The following NPAS2 variants were observed in gnomAD, a reference collection of about 807,000 sequenced individuals.
The protein encoded by NPAS2 is neuronal PAS domain protein 2, also known as neuronal PAS domain-containing protein 2.
A neutral mutation model predicts 107.5 loss-of-function variants in NPAS2; 23 were observed. That is an observed-to-expected ratio of 0.21 (90% CI 0.15 to 0.30). The LOEUF is 0.30. Among genes scored for constraint, NPAS2 ranks in the 10% least tolerant of loss-of-function variants. NPAS2 has a pLI of 1.00. For synonymous variants in NPAS2, 403 were observed against 417.5 expected, an observed-to-expected ratio of 0.97 and a Z score of 0.42; for missense variants, 756 against 1,043.3, an observed-to-expected ratio of 0.72 and a Z score of 3.79.
At chr2:100,959,387 T>C (rs867297946) in intron 7 of NPAS2, among the ~76,000 whole-genome samples, 3 of 152,084 alleles carry the variant, frequency 2.0e-5, no homozygotes, top group African/African-American at 7.2e-5. Flanking sequence ...AAGGAAAGGA[T>C]CAAATATGCC....
chr2:100,948,148 C>A (rs878917711), intron 5 of NPAS2, 87 bp from the exon 6 acceptor site: 2 of 1,442,318 alleles, frequency 1.4e-6, no homozygotes, highest in Non-Finnish European at 1.9e-6. Flanking sequence ...ACCAGTTCTG[C>A]GTTGTTGTGA....
chr2:100,841,706 CACATAT>C (rs1677412071), intron 1 of NPAS2, among the ~76,000 whole-genome samples: 1 of 152,092 alleles, frequency 6.6e-6, no homozygotes, highest in Non-Finnish European at 1.5e-5. Context: ...TTTACACATA[CACATAT>C]ACAAACATGC....
At chr2:100,882,139 G>A (rs1680389570) in intron 1 of NPAS2, among the ~76,000 whole-genome samples, 1 of 152,192 alleles carries the variant, frequency 6.6e-6, no homozygotes, top group Non-Finnish European at 1.5e-5. Context: ...GTCACCAAGA[G>A]GTTCAAGTTC....
In NPAS2 at chr2:100,996,020, GAGAGAATAAAGAGATTATTTTTC is replaced by G; in HGVS notation, c.*440_*462del. 1 of 1,138,292 alleles carries G rather than the reference GAGAGAATAAAGAGATTATTTTTC, an allele frequency of 8.8e-7. No homozygotes were observed. The highest frequency in any genetic ancestry group is 5.5e-5 in the East Asian group (1 of 18,072). The allele number at this position is 1,138,292 out of a possible 1,614,324, so 70.5% of individuals were successfully genotyped here. The stretch of plus-strand genomic sequence containing the variant: ...GACTGGGTCAGAGATCTGTTGGAGA[GAGAGAATAAAGAGATTATTTTTC>G]ATTATTTTTAAATGGTTGTTTTTGT... On this transcript the variant is annotated 3_prime_UTR_variant, in exon 21 of 21. Coordinates refer to ENST00000335681, the MANE Select transcript of NPAS2 (RefSeq NM_002518.4).
chr2:100,897,109 A>G (rs964126842), intron 1 of NPAS2, among the ~76,000 whole-genome samples: 2 of 151,982 alleles, frequency 1.3e-5, no homozygotes, highest in African/African-American at 2.4e-5. Context: ...TTATAAAACC[A>G]TCAGATCTCA....
chr2:100,960,466 A>G (rs1020903610), intron 7 of NPAS2, among the ~76,000 whole-genome samples: 1 of 151,730 alleles, frequency 6.6e-6, no homozygotes, highest in African/African-American at 2.4e-5. Flanking sequence ...CTCTGTCTCA[A>G]AAAGCAAGCT....
At chr2:100,881,368 C>A (rs1573534699) in intron 1 of NPAS2, among the ~76,000 whole-genome samples, 2 of 152,186 alleles carry the variant, frequency 1.3e-5, no homozygotes, top group South Asian at 4.1e-4. Flanking sequence ...TCCCAGGGGA[C>A]CTGTGTGCCC....
At chr2:100,832,047 G>A (rs546926570) in intron 1 of NPAS2, among the ~76,000 whole-genome samples, 1 of 152,230 alleles carries the variant, frequency 6.6e-6, no homozygotes, top group South Asian at 2.1e-4. Flanking sequence ...CCAGCTGCTG[G>A]CATCATTGCT....
intron 4 of NPAS2, 66 bp from the exon 5 acceptor site, chr2:100,937,687 G>A: frequency 9.1e-7 from 1 of 1,096,392 alleles, no homozygotes; most frequent in Non-Finnish European, 1.4e-6. Context: ...AGTGTCCTCT[G>A]CATCAGTGAC....
chr2:100,885,988 T>A (rs1167119041), intron 1 of NPAS2, among the ~76,000 whole-genome samples: 1 of 152,254 alleles, frequency 6.6e-6, no homozygotes, highest in African/African-American at 2.4e-5. Context: ...AGCATTTCAC[T>A]TTCAATTTTG....
intron 1 of NPAS2, among the ~76,000 whole-genome samples, chr2:100,887,110 T>C (rs1680745320): frequency 6.6e-6 from 1 of 152,186 alleles, no homozygotes; most frequent in African/African-American, 2.4e-5. Context: ...TGTCCTCTTA[T>C]GAGCCCTAGG....
intron 1 of NPAS2, among the ~76,000 whole-genome samples, chr2:100,881,814 G>T (rs1302617736): frequency 6.6e-6 from 1 of 152,222 alleles, no homozygotes; most frequent in Non-Finnish European, 1.5e-5. Flanking sequence ...CAGGCGCAGA[G>T]GGCTTCACTC....
rs1410989568 is a variant in NPAS2 at position 100,990,358 on chromosome 2, A to T, written c.1930A>T (p.Ser644Cys). 4 of 1,614,094 alleles carry T rather than the reference A, an allele frequency of 2.5e-6. No homozygotes were observed. Among genetic ancestry groups the T allele is most frequent in the African/African-American group, 1.3e-5 (1 of 74,940 alleles). Residue 644 changes from serine (S) to cysteine (C), a missense_variant, in exon 18 of 21, where the codon AGT becomes TGT. Ser to Cys is a moderately radical substitution (Grantham distance 112, BLOSUM62 -1). Transcript: ENST00000335681. Reference protein sequence around the residue: ...FSSATAALPPSLNLTTPASTS... With the variant: ...FSSATAALPPCLNLTTPASTS... Reference sequence around the variant, plus strand: ...CAGCGCCACAGCTGCGCTCCCGCCAAGTCTGAATCTGACCACACCTGCTTC... The same window carrying T: ...CAGCGCCACAGCTGCGCTCCCGCCATGTCTGAATCTGACCACACCTGCTTC...
chr2:100,975,673 G>A, intron 14 of NPAS2, 106 bp downstream of exon 14: 1 of 775,006 alleles, frequency 1.3e-6, no homozygotes, highest in South Asian at 2.2e-5. Flanking sequence ...GTTTTACTTA[G>A]GGATTGAGAG....
intron 1 of NPAS2, among the ~76,000 whole-genome samples, chr2:100,840,255 T>C (rs1489634859): frequency 6.6e-6 from 1 of 152,158 alleles, no homozygotes. Flanking sequence ...TACATGGCAG[T>C]ATCTAAATTT....
intron 7 of NPAS2, among the ~76,000 whole-genome samples, chr2:100,960,629 C>T (rs1348056586): frequency 1.3e-5 from 2 of 152,080 alleles, no homozygotes; most frequent in Non-Finnish European, 2.9e-5. Flanking sequence ...GGGCAGTGAG[C>T]TCACCTGCCT....
rs531817089 is a variant in NPAS2 at position 100,948,053 on chromosome 2, G to C, written c.364-182G>C. 5.3e-5 allele frequency among the ~76,000 whole-genome samples: 8 copies of C among 152,334 alleles called. No homozygotes were observed. In the East Asian group the frequency reaches 1.5e-3, roughly 29 times the overall value. On this transcript the variant is annotated intron_variant, in intron 5 of 20. Transcript: ENST00000335681. ...GCACATATGCATTTGAACAAATACA[G>C]CCCTTTAGGTTACTATTTAAAACAA...
In NPAS2 at chr2:100,944,295, C is replaced by T. The variant is rs192347031; in HGVS notation, c.364-3940C>T. ...CAAAACTGCCAGAGCGCCTCAGGGACACTCTGGGAGGAAGTGTCCATCCAG... is the reference window on the plus strand; with the variant it reads ...CAAAACTGCCAGAGCGCCTCAGGGATACTCTGGGAGGAAGTGTCCATCCAG... On this transcript the variant is annotated intron_variant, in intron 5 of 20. Transcript: ENST00000335681. Among the ~76,000 whole-genome samples the T allele has an allele frequency of 2.6e-4, 40 of 152,320 alleles. No homozygotes were observed. In the East Asian group the frequency reaches 6.8e-3, roughly 26 times the overall value.
At position 100,928,095 on chromosome 2, in the gene NPAS2, A is replaced by G. The variant is rs145447741; in HGVS notation, c.181+2801A>G. On this transcript the variant is annotated intron_variant, in intron 3 of 20. Coordinates refer to ENST00000335681, the MANE Select transcript of NPAS2 (RefSeq NM_002518.4). ...TCATTATACTTCTTAGTCTTTTATT[A>G]TTTCTTTGATGATCATATATACCTA... is the stretch of plus-strand genomic sequence containing the variant. Among the ~76,000 whole-genome samples, 69 of 152,122 alleles carry G rather than the reference A, an allele frequency of 4.5e-4. 1 individual carries two copies. The East Asian group carries it at 9.3e-3, about 20-fold the overall frequency.
Sources: allele counts gnomAD v4.1 joint callset (sites outside exome capture counted in the v4.1 genomes callset), GRCh38; gene constraint gnomAD v4.1.1; transcripts MANE v1.5; gene names NCBI Gene and HGNC (gene_info 2026-07-23, HGNC 2026-07-21).